Variants in KLHL29 observed in about 807,000 individuals in gnomAD.
KLHL29 encodes kelch-like protein 29.
A neutral mutation model predicts 80.4 loss-of-function variants in KLHL29; 21 were observed. The ratio of observed to expected loss-of-function variants is 0.26; its 90% CI spans 0.19 to 0.38. The LOEUF (loss-of-function observed/expected upper bound fraction) is 0.38. KLHL29 is among the 10% of genes least tolerant of loss of function. The pLI is 1.00. For synonymous variants in KLHL29, 511 were observed against 526.8 expected, an observed-to-expected ratio of 0.97 and a Z score of 0.41; for missense variants, 867 against 1,223.9, an observed-to-expected ratio of 0.71 and a Z score of 4.35.
intron 1 of KLHL29, among the ~76,000 whole-genome samples, chr2:23,433,309 C>G (rs1663236438): frequency 6.6e-6 from 1 of 152,234 alleles, no homozygotes; most frequent in African/African-American, 2.4e-5. Context: ...ATTATGGTGG[C>G]TACAAAGCTG....
At chr2:23,481,787 C>G (rs1664804809) in intron 2 of KLHL29, among the ~76,000 whole-genome samples, 2 of 152,158 alleles carry the variant, frequency 1.3e-5, no homozygotes, top group Non-Finnish European at 2.9e-5. Context: ...CGTGGTGGCA[C>G]ATGCTTGTAA....
At chr2:23,615,448 G>A (rs961344196) in intron 3 of KLHL29, among the ~76,000 whole-genome samples, 4 of 152,102 alleles carry the variant, frequency 2.6e-5, no homozygotes, top group African/African-American at 4.8e-5. Flanking sequence ...CAGGACACTC[G>A]GAGCATCTCA....
At chr2:23,422,182 A>C (rs1276453182) in intron 1 of KLHL29, among the ~76,000 whole-genome samples, 1 of 142,116 alleles carries the variant, frequency 7.0e-6, no homozygotes, top group African/African-American at 2.7e-5. Context: ...CTGTGTATCT[A>C]TGTGTCTCTG....
intron 2 of KLHL29, among the ~76,000 whole-genome samples, chr2:23,480,348 A>G (rs57832934): frequency 0.053 from 8,139 of 152,264 alleles, 347 homozygotes; most frequent in South Asian, 0.16. Flanking sequence ...TTAGCCGGGC[A>G]TGGTGACACA....
intron 1 of KLHL29, among the ~76,000 whole-genome samples, chr2:23,432,710 A>G (rs1452344863): frequency 6.6e-6 from 1 of 152,242 alleles, no homozygotes; most frequent in Non-Finnish European, 1.5e-5. Context: ...CAAGAGAGGC[A>G]GCCAGGGCTG....
At chr2:23,627,580 G>A (rs115268318) in intron 3 of KLHL29, among the ~76,000 whole-genome samples, 5,102 of 152,246 alleles carry the variant, frequency 0.034, 110 homozygotes, top group Middle Eastern at 0.082. Flanking sequence ...TAGCTCCTTC[G>A]GTGCACCTTG....
intron 3 of KLHL29, among the ~76,000 whole-genome samples, chr2:23,632,752 G>A (rs1260775545): frequency 6.6e-6 from 1 of 152,252 alleles, no homozygotes; most frequent in Non-Finnish European, 1.5e-5. Context: ...ACCAGTGCTG[G>A]GCTGAGGACA....
At chr2:23,564,333 C>G (rs1277982177) in intron 3 of KLHL29, among the ~76,000 whole-genome samples, 1 of 152,182 alleles carries the variant, frequency 6.6e-6, no homozygotes, top group Admixed American at 6.5e-5. Context: ...GGAACCCAGT[C>G]TCAGACAGAA....
chr2:23,541,765 C>CAAAAAAAAAAAAAAAAAAAAAAA (rs149080311), intron 2 of KLHL29, among the ~76,000 whole-genome samples: 4 of 139,948 alleles, frequency 2.9e-5, no homozygotes, highest in African/African-American at 1.2e-4. Context: ...AAGCCCAACC[C>CAAAAAAAAAAAAAAAAAAAAAAA]AAAAAACAAA....
intron 1 of KLHL29, among the ~76,000 whole-genome samples, chr2:23,433,050 T>C (rs1663228930): frequency 6.6e-6 from 1 of 152,176 alleles, no homozygotes; most frequent in African/African-American, 2.4e-5. Flanking sequence ...ATTCAGAGTG[T>C]GTGCCCTCCG....
At chr2:23,600,798 C>A (rs921741789) in intron 3 of KLHL29, among the ~76,000 whole-genome samples, 1 of 152,178 alleles carries the variant, frequency 6.6e-6, no homozygotes, top group Admixed American at 6.5e-5. Context: ...TGCCAGAATC[C>A]ACCCTTCGCC....
intron 3 of KLHL29, among the ~76,000 whole-genome samples, chr2:23,595,909 T>C (rs528711668): frequency 6.6e-6 from 1 of 152,282 alleles, no homozygotes; most frequent in East Asian, 1.9e-4. Flanking sequence ...TGACTCCCTG[T>C]CTGTAAATCA....
intron 1 of KLHL29, among the ~76,000 whole-genome samples, chr2:23,472,979 A>G (rs895482786): frequency 2.0e-5 from 3 of 152,218 alleles, no homozygotes; most frequent in African/African-American, 7.2e-5. Context: ...TAGGCACAGT[A>G]TAGAGAAACC....
chr2:23,480,500 A>C (rs13012264), intron 2 of KLHL29, among the ~76,000 whole-genome samples: 180 of 3,978 alleles, frequency 0.045, no homozygotes, highest in African/African-American at 0.37. Flanking sequence ...AAAAAAAAAC[A>C]AAAAAAAACT....
In KLHL29 at chr2:23,536,349, C is replaced by T. The variant is rs146710495; in HGVS notation, c.-45-25803C>T. ...GCTCCAAGCTGCGGAAATTAGAGTA[C>T]GCTGTGTGGACGGCAGCTTGGCTGT... On this transcript the variant is annotated intron_variant, in intron 2 of 13. Transcript: ENST00000486442. Among the ~76,000 whole-genome samples, 1,142 of 152,322 alleles carry T rather than the reference C, an allele frequency of 7.5e-3. 8 individuals are homozygous for T. Among genetic ancestry groups the T allele is most frequent in the Non-Finnish European group, 0.012 (837 of 68,026 alleles).
chr2:23,644,519 G>A (rs1426324567), intron 5 of KLHL29, among the ~76,000 whole-genome samples: 1 of 152,248 alleles, frequency 6.6e-6, no homozygotes, highest in African/African-American at 2.4e-5. Context: ...AGAAAGGACT[G>A]GAGTCCCTAG....
chr2:23,479,354 C>T (rs76433433), intron 2 of KLHL29, among the ~76,000 whole-genome samples: 11 of 152,114 alleles, frequency 7.2e-5, no homozygotes, highest in East Asian at 1.9e-4. Context: ...GCAGCTGCTC[C>T]GCACCTTTCC....
At chr2:23,546,567 C>T (rs1666984275) in intron 2 of KLHL29, among the ~76,000 whole-genome samples, 1 of 152,196 alleles carries the variant, frequency 6.6e-6, no homozygotes, top group Non-Finnish European at 1.5e-5. Context: ...TCTCTACTCC[C>T]ATGAGAAAAG....
At chr2:23,436,244 T>A (rs550436661) in intron 1 of KLHL29, among the ~76,000 whole-genome samples, 7 of 151,736 alleles carry the variant, frequency 4.6e-5, no homozygotes, top group African/African-American at 1.7e-4. Flanking sequence ...TCAGTAAACA[T>A]CCATGGATTT....
Sources: gnomAD v4.1 joint callset for allele counts (sites outside exome capture counted in the v4.1 genomes callset) on GRCh38, gnomAD v4.1.1 for gene constraint, MANE v1.5 for transcripts, NCBI Gene and HGNC (gene_info 2026-07-23, HGNC 2026-07-21) for gene names.